COG5: variants seen among roughly 807,000 people sequenced by gnomAD.
The protein encoded by COG5 is conserved oligomeric Golgi complex subunit 5.
COG5 carries 86 observed loss-of-function variants against 110.4 expected under a neutral mutation model. That is an observed-to-expected ratio of 0.78 (90% CI 0.65 to 0.93). The LOEUF (loss-of-function observed/expected upper bound fraction) is 0.93. Ranked by LOEUF, COG5 falls within the 40% of genes least tolerant of loss-of-function variation. The pLI, the probability that COG5 is intolerant of heterozygous loss-of-function variation, is 0.00. For missense variants in COG5, 1,077 were observed against 987.0 expected (o/e 1.09, Z -1.22); for synonymous variants, 360 against 334.6 (o/e 1.08, Z -0.83).
chr7:107,327,174 G>A (rs769506802), intron 10 of COG5, among the ~76,000 whole-genome samples: 1 of 152,090 alleles, frequency 6.6e-6, no homozygotes, highest in Non-Finnish European at 1.5e-5. Flanking sequence ...GAACAAGGGT[G>A]CCAAGGCTAC....
At chr7:107,359,372 T>C (rs889813118) in intron 10 of COG5, among the ~76,000 whole-genome samples, 6 of 152,142 alleles carry the variant, frequency 3.9e-5, no homozygotes, top group Non-Finnish European at 7.4e-5. Context: ...CCAACAAGCA[T>C]GGGAGGAAGG....
chr7:107,484,858 C>G (rs1019110381), intron 6 of COG5, among the ~76,000 whole-genome samples: 1 of 152,190 alleles, frequency 6.6e-6, no homozygotes, highest in East Asian at 1.9e-4. Context: ...AATGTTAAAA[C>G]AGTGGATTTG....
chr7:107,274,757 A>G (rs944731515), intron 14 of COG5, among the ~76,000 whole-genome samples: 2 of 152,196 alleles, frequency 1.3e-5, no homozygotes, highest in African/African-American at 4.8e-5. Context: ...TTATGACAAC[A>G]TATAACTAAT....
intron 16 of COG5, among the ~76,000 whole-genome samples, chr7:107,250,895 A>T (rs1802451688): frequency 6.6e-6 from 1 of 152,028 alleles, no homozygotes; most frequent in Non-Finnish European, 1.5e-5. Flanking sequence ...CAAAATGTCT[A>T]ATATACTGGT....
chr7:107,505,206 G>A (rs1584905778), intron 6 of COG5, among the ~76,000 whole-genome samples: 1 of 152,148 alleles, frequency 6.6e-6, no homozygotes, highest in Non-Finnish European at 1.5e-5. Flanking sequence ...GCCAATACAG[G>A]AGGTGTCCAC....
At chr7:107,385,105 A>G (rs71566727) in intron 7 of COG5, among the ~76,000 whole-genome samples, 4 of 152,248 alleles carry the variant, frequency 2.6e-5, no homozygotes, top group Non-Finnish European at 4.4e-5. Context: ...ATGTCCTTTT[A>G]AAAGAAAAGC....
At chr7:107,392,074 C>T (rs1054055179) in intron 7 of COG5, among the ~76,000 whole-genome samples, 8 of 152,046 alleles carry the variant, frequency 5.3e-5, no homozygotes, top group African/African-American at 1.9e-4. Context: ...CTGGGCAGCA[C>T]AGCGAGACTC....
At chr7:107,498,615 AC>A in intron 6 of COG5, among the ~76,000 whole-genome samples, 1 of 152,138 alleles carries the variant, frequency 6.6e-6, no homozygotes, top group East Asian at 1.9e-4. Context: ...ATTAAAAAAA[AC>A]AAACAAGCAA....
chr7:107,459,324 T>C (rs1192519778), intron 6 of COG5, among the ~76,000 whole-genome samples: 1 of 152,146 alleles, frequency 6.6e-6, no homozygotes, highest in Admixed American at 6.5e-5. Context: ...AAAAGGATTA[T>C]CATTGAGCAC....
In COG5 at chr7:107,508,972, C is replaced by T. The variant is rs528014514; in HGVS notation, c.538+18265G>A. Among the ~76,000 whole-genome samples the T allele has an allele frequency of 1.7e-4, 26 of 152,190 alleles. 1 individual carries two copies. The South Asian group carries it at 1.9e-3, about 11-fold the overall frequency. On this transcript the variant is annotated intron_variant, in intron 6 of 21. Coordinates refer to ENST00000297135, the MANE Select transcript of COG5 (RefSeq NM_006348.5). The stretch of plus-strand genomic sequence containing the variant: ...AAAAACAAAGCAGAAACACTGGAAA[C>T]CCTAAAAATCAGAGCGCCTCTCCTC...
At chr7:107,402,158 T>TTC (rs2074212492) in intron 7 of COG5, among the ~76,000 whole-genome samples, 1 of 152,196 alleles carries the variant, frequency 6.6e-6, no homozygotes, top group Admixed American at 6.5e-5. Flanking sequence ...TAGAGCTGGC[T>TTC]TCTCTAAGGT....
At chr7:107,374,672 G>A (rs1029753930) in intron 7 of COG5, among the ~76,000 whole-genome samples, 1 of 151,974 alleles carries the variant, frequency 6.6e-6, no homozygotes, top group African/African-American at 2.4e-5. Context: ...TTATTTTAAC[G>A]TAATGGTGTA....
At chr7:107,419,740 G>T (rs1358686421) in intron 6 of COG5, among the ~76,000 whole-genome samples, 3 of 151,962 alleles carry the variant, frequency 2.0e-5, no homozygotes, top group South Asian at 2.1e-4. Flanking sequence ...GCTAATTTTT[G>T]TATTTTTTGT....
intron 19 of COG5, among the ~76,000 whole-genome samples, chr7:107,225,687 A>G (rs1800283018): frequency 6.6e-6 from 1 of 152,102 alleles, no homozygotes. Flanking sequence ...TAATTTTTCT[A>G]TCTTTTGTAA....
At chr7:107,342,216 G>T (rs755603341) in intron 10 of COG5, among the ~76,000 whole-genome samples, 2 of 151,876 alleles carry the variant, frequency 1.3e-5, no homozygotes, top group Admixed American at 1.3e-4. Context: ...CAAAAGACAT[G>T]AACAGGTACT....
intron 14 of COG5, among the ~76,000 whole-genome samples, chr7:107,276,689 T>C: frequency 6.6e-6 from 1 of 152,110 alleles, no homozygotes; most frequent in African/African-American, 2.4e-5. Flanking sequence ...CACTGTAAGG[T>C]CTAGTGACCT....
At chr7:107,509,653 G>A (rs1373880143) in intron 6 of COG5, among the ~76,000 whole-genome samples, 2 of 152,144 alleles carry the variant, frequency 1.3e-5, no homozygotes, top group African/African-American at 4.8e-5. Context: ...AGAGAGAAAG[G>A]TCGGGTTACC....
intron 6 of COG5, 92 bp from the exon 7 acceptor site, chr7:107,412,724 A>C (rs1328495215): frequency 3.7e-5 from 30 of 802,092 alleles, no homozygotes; most frequent in African/African-American, 7.0e-5. Flanking sequence ...AAAAAAAAAA[A>C]CAAAAAACGC....
chr7:107,507,875 G>A (rs770778141), intron 6 of COG5, among the ~76,000 whole-genome samples: 6 of 152,132 alleles, frequency 3.9e-5, no homozygotes, highest in African/African-American at 9.7e-5. Context: ...CTTCTATGAC[G>A]TATTTGGTTT....
Sources: allele counts gnomAD v4.1 joint callset (sites outside exome capture counted in the v4.1 genomes callset), GRCh38; gene constraint gnomAD v4.1.1; transcripts MANE v1.5; gene names NCBI Gene and HGNC (gene_info 2026-07-23, HGNC 2026-07-21).